Variants in MARCHF1 observed in about 807,000 individuals in gnomAD.
The protein encoded by MARCHF1 is E3 ubiquitin-protein ligase MARCHF1.
In MARCHF1, 40 loss-of-function variants were observed where a neutral mutation model predicts 54.2. The observed-to-expected ratio is 0.74, with a 90% CI of 0.57 to 0.96. MARCHF1 has a LOEUF of 0.96. Ranked by LOEUF, MARCHF1 falls within the 40% of genes least tolerant of loss-of-function variation. The pLI, the probability that MARCHF1 is intolerant of heterozygous loss-of-function variation, is 0.00. For missense variants in MARCHF1, 586 were observed against 656.5 expected (o/e 0.89, Z 1.17); for synonymous variants, 236 against 236.3 (o/e 1.00, Z 0.01).
chr4:163,881,618 T>C (rs1489338564), intron 3 of MARCHF1, among the ~76,000 whole-genome samples: 1 of 151,656 alleles, frequency 6.6e-6, no homozygotes, highest in Non-Finnish European at 1.5e-5. Flanking sequence ...TGTATAATAG[T>C]GGAAAGAGGA....
At chr4:164,299,251 C>T (rs1734489224) in intron 1 of MARCHF1, among the ~76,000 whole-genome samples, 1 of 152,068 alleles carries the variant, frequency 6.6e-6, no homozygotes, top group African/African-American at 2.4e-5. Context: ...GCCTCCTAGA[C>T]TTAATCTCTT....
chr4:164,073,730 C>A (rs943736625), intron 2 of MARCHF1, among the ~76,000 whole-genome samples: 1 of 152,094 alleles, frequency 6.6e-6, no homozygotes, highest in Non-Finnish European at 1.5e-5. Context: ...AAATTAACCA[C>A]CACTAAATTT....
At chr4:163,540,343 A>T (rs1738682202) in intron 9 of MARCHF1, among the ~76,000 whole-genome samples, 1 of 152,192 alleles carries the variant, frequency 6.6e-6, no homozygotes, top group African/African-American at 2.4e-5. Flanking sequence ...TGCTTAGGGT[A>T]TGCAGAACTA....
chr4:163,972,824 T>G (rs10003597), intron 3 of MARCHF1, among the ~76,000 whole-genome samples: 6,129 of 152,104 alleles, frequency 0.04, 338 homozygotes, highest in East Asian at 0.14. Flanking sequence ...CCCAAAGTGC[T>G]GGGATTACAG....
chr4:163,828,115 G>A (rs144149151), intron 4 of MARCHF1, among the ~76,000 whole-genome samples: 83 of 151,536 alleles, frequency 5.5e-4, no homozygotes, highest in Middle Eastern at 3.4e-3. Flanking sequence ...GGTTGAAAAC[G>A]TATGCTTTTG....
intron 3 of MARCHF1, among the ~76,000 whole-genome samples, chr4:163,912,906 T>G (rs1751226288): frequency 6.6e-6 from 1 of 152,222 alleles, no homozygotes; most frequent in Non-Finnish European, 1.5e-5. Flanking sequence ...CTTCATAAAT[T>G]GAAAGATAAA....
chr4:164,117,513 T>C (rs150321331), intron 1 of MARCHF1, among the ~76,000 whole-genome samples: 2 of 152,098 alleles, frequency 1.3e-5, no homozygotes, highest in African/African-American at 4.8e-5. Context: ...TCAATAAGAA[T>C]ATAAAATACA....
Position 163,598,890 on chromosome 4 carries a change from A to G in MARCHF1, c.1011-12961T>C, listed in dbSNP as rs115248632. Reference sequence around the variant, plus strand: ...TTTTATAAACTTTTTAATGTTTTTAAACTTTTCGACTCTTTTGTCGTAACA... The same window carrying G: ...TTTTATAAACTTTTTAATGTTTTTAGACTTTTCGACTCTTTTGTCGTAACA... On this transcript the variant is annotated intron_variant, in intron 7 of 9. Coordinates refer to ENST00000514618, the MANE Select transcript of MARCHF1 (RefSeq NM_001394959.1). 4.9e-3 allele frequency among the ~76,000 whole-genome samples: 744 copies of G among 152,288 alleles called. 3 individuals carry two copies. The highest frequency in any genetic ancestry group is 0.016 in the African/African-American group (662 of 41,570).
At chr4:163,565,066 C>T (rs552120196) in intron 8 of MARCHF1, among the ~76,000 whole-genome samples, 1 of 152,206 alleles carries the variant, frequency 6.6e-6, no homozygotes, top group African/African-American at 2.4e-5. Flanking sequence ...GACTTAATTC[C>T]TCAAACCATG....
At chr4:164,003,549 A>T (rs531243780) in intron 2 of MARCHF1, among the ~76,000 whole-genome samples, 39 of 152,220 alleles carry the variant, frequency 2.6e-4, no homozygotes, top group Non-Finnish European at 5.6e-4. Context: ...AAATAGTACT[A>T]GAAATAAAGA....
At chr4:163,664,711 A>C (rs1743470560) in intron 5 of MARCHF1, among the ~76,000 whole-genome samples, 1 of 152,076 alleles carries the variant, frequency 6.6e-6, no homozygotes, top group African/African-American at 2.4e-5. Context: ...AATCAGCATT[A>C]TAAATAAACT....
intron 3 of MARCHF1, among the ~76,000 whole-genome samples, chr4:163,958,383 A>G (rs1752274510): frequency 6.6e-6 from 1 of 152,004 alleles, no homozygotes; most frequent in Admixed American, 6.6e-5. Flanking sequence ...GACTTTATTC[A>G]TTTCCCAATG....
intron 3 of MARCHF1, among the ~76,000 whole-genome samples, chr4:163,903,838 A>G (rs541874839): frequency 6.6e-6 from 1 of 151,584 alleles, no homozygotes; most frequent in South Asian, 2.1e-4. Flanking sequence ...CTGGTCTCAA[A>G]CTCCTGAGCT....
At chr4:163,950,217 G>A (rs1263903837) in intron 3 of MARCHF1, among the ~76,000 whole-genome samples, 1 of 152,168 alleles carries the variant, frequency 6.6e-6, no homozygotes, top group Non-Finnish European at 1.5e-5. Flanking sequence ...AAGCTGTGCT[G>A]AGGGGTGCCT....
chr4:163,772,243 G>A (rs973097026), intron 4 of MARCHF1, among the ~76,000 whole-genome samples: 3 of 152,104 alleles, frequency 2.0e-5, no homozygotes, highest in African/African-American at 7.2e-5. Context: ...TATAAATAGA[G>A]CAATAAGGAA....
At chr4:163,658,870 A>T (rs1426739452) in intron 5 of MARCHF1, among the ~76,000 whole-genome samples, 1 of 151,908 alleles carries the variant, frequency 6.6e-6, no homozygotes, top group East Asian at 1.9e-4. Context: ...TGATGGGTTG[A>T]TAGGTGCAGC....
chr4:163,962,916 T>C (rs561192047), intron 3 of MARCHF1, among the ~76,000 whole-genome samples: 63 of 151,974 alleles, frequency 4.1e-4, no homozygotes, highest in African/African-American at 1.4e-3. Context: ...CTTGATCCCA[T>C]AACGTAAGTA....
At chr4:164,344,899 T>C (rs1186779767) in intron 1 of MARCHF1, among the ~76,000 whole-genome samples, 2 of 152,206 alleles carry the variant, frequency 1.3e-5, no homozygotes, top group African/African-American at 4.8e-5. Context: ...TAAAAAGTCT[T>C]GTTCTTCATA....
intron 1 of MARCHF1, among the ~76,000 whole-genome samples, chr4:164,229,730 G>C (rs1224889597): frequency 6.6e-6 from 1 of 152,146 alleles, no homozygotes; most frequent in African/African-American, 2.4e-5. Context: ...CATGGCAGAA[G>C]GCGAAGGGGG....
Sources: gnomAD v4.1 joint callset for allele counts (sites outside exome capture counted in the v4.1 genomes callset) on GRCh38, gnomAD v4.1.1 for gene constraint, MANE v1.5 for transcripts, NCBI Gene and HGNC (gene_info 2026-07-23, HGNC 2026-07-21) for gene names.